TSPAN5: variants seen among roughly 807,000 people sequenced by gnomAD.
The protein encoded by TSPAN5 is tetraspanin 5, also known as tetraspanin-5.
A neutral mutation model predicts 37.1 loss-of-function variants in TSPAN5; 10 were observed. That is an observed-to-expected ratio of 0.27 (90% CI 0.17 to 0.46). TSPAN5 has a LOEUF of 0.46. Ranked by LOEUF, TSPAN5 falls within the 20% of genes least tolerant of loss-of-function variation. The pLI is 1.00. For missense variants in TSPAN5, 195 were observed against 326.6 expected, an observed-to-expected ratio of 0.60 and a Z score of 3.11; for synonymous variants, 110 against 118.9, an observed-to-expected ratio of 0.93 and a Z score of 0.48.
chr4:98,605,697 C>T (rs1405820740), intron 1 of TSPAN5, among the ~76,000 whole-genome samples: 2 of 152,188 alleles, frequency 1.3e-5, no homozygotes, highest in African/African-American at 2.4e-5. Context: ...TGAATAATCA[C>T]AGGAGGAACT....
At chr4:98,595,386 G>C (rs1399037944) in intron 1 of TSPAN5, among the ~76,000 whole-genome samples, 1 of 115,916 alleles carries the variant, frequency 8.6e-6, no homozygotes, top group East Asian at 2.6e-4. Context: ...CAAAAAACCA[G>C]CTCCTGGATT....
At chr4:98,549,723 A>T (rs1754564339) in intron 1 of TSPAN5, among the ~76,000 whole-genome samples, 1 of 151,670 alleles carries the variant, frequency 6.6e-6, no homozygotes, top group South Asian at 2.1e-4. Flanking sequence ...TCACTTTTTA[A>T]TGGGGTTCTT....
intron 1 of TSPAN5, among the ~76,000 whole-genome samples, chr4:98,601,790 A>G (rs1041639325): frequency 6.6e-6 from 1 of 152,158 alleles, no homozygotes; most frequent in African/African-American, 2.4e-5. Context: ...TTTTTGGTCT[A>G]TCTCAGTTCT....
intron 1 of TSPAN5, among the ~76,000 whole-genome samples, chr4:98,598,130 A>T: frequency 8.2e-6 from 1 of 121,890 alleles, no homozygotes; most frequent in African/African-American, 3.9e-5. Context: ...TGTGGGATAT[A>T]GTCTCGTGGT....
At chr4:98,552,238 G>C (rs909457542) in intron 1 of TSPAN5, among the ~76,000 whole-genome samples, 1 of 152,024 alleles carries the variant, frequency 6.6e-6, no homozygotes, top group Non-Finnish European at 1.5e-5. Context: ...TTATTTTCTT[G>C]TAACTTTGAG....
At chr4:98,498,323 A>G (rs1753262745) in intron 2 of TSPAN5, among the ~76,000 whole-genome samples, 1 of 152,172 alleles carries the variant, frequency 6.6e-6, no homozygotes, top group Non-Finnish European at 1.5e-5. Flanking sequence ...ACTCCCTGTG[A>G]TCTATTGCTG....
intron 1 of TSPAN5, among the ~76,000 whole-genome samples, chr4:98,630,589 A>G (rs1756722543): frequency 6.6e-6 from 1 of 152,164 alleles, no homozygotes. Flanking sequence ...AACCCGGGAG[A>G]CTGTGCACAT....
At chr4:98,516,092 A>G (rs1578960456) in intron 1 of TSPAN5, among the ~76,000 whole-genome samples, 2 of 152,320 alleles carry the variant, frequency 1.3e-5, no homozygotes, top group South Asian at 4.1e-4. Context: ...AGAACGTGGG[A>G]TACAAATGAT....
At chr4:98,592,691 G>T (rs1002197990) in intron 1 of TSPAN5, among the ~76,000 whole-genome samples, 3 of 148,274 alleles carry the variant, frequency 2.0e-5, no homozygotes, top group Non-Finnish European at 4.5e-5. Context: ...GCGGTGTTTG[G>T]TTTTTTTGTT....
At chr4:98,562,997 A>T (rs1434287387) in intron 1 of TSPAN5, among the ~76,000 whole-genome samples, 1 of 152,146 alleles carries the variant, frequency 6.6e-6, no homozygotes, top group Admixed American at 6.5e-5. Context: ...AGCTAATGTC[A>T]TGGGAGGGAA....
chr4:98,588,348 T>C (rs1426066439), intron 1 of TSPAN5, among the ~76,000 whole-genome samples: 2 of 152,118 alleles, frequency 1.3e-5, no homozygotes, highest in African/African-American at 4.8e-5. Flanking sequence ...CACCGTATGT[T>C]TCGCTAAGTA....
chr4:98,631,274 C>A (rs1186412220), intron 1 of TSPAN5, among the ~76,000 whole-genome samples: 1 of 152,172 alleles, frequency 6.6e-6, no homozygotes, highest in South Asian at 2.1e-4. Flanking sequence ...CCCCTACAGA[C>A]AACATTCACA....
intron 1 of TSPAN5, among the ~76,000 whole-genome samples, chr4:98,647,865 TAAA>T: frequency 7.0e-6 from 1 of 143,282 alleles, no homozygotes; most frequent in African/African-American, 2.5e-5. Flanking sequence ...TTGTTTTGTT[TAAA>T]AAAAAAAAAA....
rs577929361 is a variant in TSPAN5 at position 98,629,175 on chromosome 4, G to GATATT, written c.81+28970_81+28971insAATAT. On this transcript the variant is annotated intron_variant, in intron 1 of 7. Transcript: ENST00000305798. The stretch of plus-strand genomic sequence containing the variant: ...AATTACTCTAAAGTGGCAAAGAATG[G>GATATT]ATAATTTGTCTATGAACTATTTCAC... Among the ~76,000 whole-genome samples, 253 of 152,268 alleles carry GATATT rather than the reference G, an allele frequency of 1.7e-3. 1 individual carries two copies. In the Middle Eastern group the frequency reaches 0.034, roughly 20 times the overall value.
intron 1 of TSPAN5, among the ~76,000 whole-genome samples, chr4:98,612,567 AG>A (rs1421796789): frequency 1.3e-5 from 2 of 152,226 alleles, no homozygotes; most frequent in Non-Finnish European, 2.9e-5. Context: ...GTAACTGGCA[AG>A]GACCCCTTTT....
At chr4:98,504,270 T>G (rs1350267464) in intron 2 of TSPAN5, among the ~76,000 whole-genome samples, 1 of 152,212 alleles carries the variant, frequency 6.6e-6, no homozygotes, top group Non-Finnish European at 1.5e-5. Context: ...GGGGATGTAC[T>G]GATTCATGGG....
chr4:98,655,702 AG>A (rs1308354084), intron 1 of TSPAN5, among the ~76,000 whole-genome samples: 2 of 152,216 alleles, frequency 1.3e-5, no homozygotes, highest in African/African-American at 4.8e-5. Flanking sequence ...GTGACTCTGT[AG>A]AGAGCAGAGG....
At chr4:98,650,202 C>A (rs904745099) in intron 1 of TSPAN5, among the ~76,000 whole-genome samples, 2 of 152,158 alleles carry the variant, frequency 1.3e-5, no homozygotes, top group African/African-American at 2.4e-5. Context: ...TATTTTACAT[C>A]ATTCAAGAGT....
intron 4 of TSPAN5, among the ~76,000 whole-genome samples, chr4:98,481,487 C>T (rs935619306): frequency 6.6e-6 from 1 of 152,088 alleles, no homozygotes; most frequent in African/African-American, 2.4e-5. Context: ...TGTTAGAAGC[C>T]ACTAGGACTT....
Sources: gnomAD v4.1 joint callset for allele counts (sites outside exome capture counted in the v4.1 genomes callset) on GRCh38, gnomAD v4.1.1 for gene constraint, MANE v1.5 for transcripts, NCBI Gene and HGNC (gene_info 2026-07-23, HGNC 2026-07-21) for gene names.